The following ANKRD30A variants were observed in gnomAD, a reference collection of about 807,000 sequenced individuals.
The protein encoded by ANKRD30A is ankyrin repeat domain-containing protein 30A.
ANKRD30A carries 170 observed loss-of-function variants against 166.3 expected under a neutral mutation model. The observed-to-expected ratio is 1.02, with a 90% CI of 0.90 to 1.16. ANKRD30A has a LOEUF of 1.16. Among genes scored for constraint, ANKRD30A ranks in the 50% most tolerant of loss-of-function variants. ANKRD30A has a pLI of 0.00. For missense variants in ANKRD30A, 1,630 were observed against 1,518.0 expected, an observed-to-expected ratio of 1.07 and a Z score of -1.23; for synonymous variants, 564 against 508.9, an observed-to-expected ratio of 1.11 and a Z score of -1.46.
chr10:37,158,694 G>A, intron 15 of ANKRD30A, 108 bp downstream of exon 15: 1 of 1,442,300 alleles, frequency 6.9e-7, no homozygotes, highest in African/African-American at 1.4e-5. Flanking sequence ...AATTTGATGG[G>A]ATATTTTGAT....
At chr10:37,152,863 G>A (rs1260149807) in intron 12 of ANKRD30A, among the ~76,000 whole-genome samples, 1 of 152,100 alleles carries the variant, frequency 6.6e-6, no homozygotes, top group Non-Finnish European at 1.5e-5. Flanking sequence ...GGTGGTAACA[G>A]CAAAAGGTGG....
chr10:37,142,228 A>G lies in ANKRD30A; in HGVS notation c.1331A>G (p.Lys444Arg). ...TCTAATAAAACTAAAGTTTTGGAAA[A>G]AGGAAGATCTAAGATGATTGCATGT... Reference protein sequence around the residue: ...VTSNKTKVLEKGRSKMIACPT... With the variant: ...VTSNKTKVLERGRSKMIACPT... The change falls in exon 7 of 36, where the codon AAA becomes AGA. Residue 444 changes from lysine (K) to arginine (R), a missense_variant. Physicochemically the swap from Lys to Arg is conservative, Grantham distance 26. Transcript: ENST00000361713. 2 of 1,608,272 alleles carry G rather than the reference A, an allele frequency of 1.2e-6. No homozygotes were observed. The highest frequency in any genetic ancestry group is 1.7e-6 in the Non-Finnish European group (2 of 1,178,694).
rs192377029 is a variant in ANKRD30A at position 37,167,572 on chromosome 10, C to G, written c.2155+877C>G. On this transcript the variant is annotated intron_variant, in intron 19 of 35. Coordinates refer to ENST00000361713, the MANE Select transcript of ANKRD30A (RefSeq NM_052997.3). ...GAAAATGTTATTAATATTTAAAAATCTGATGCAACTAAATTTAAATGAAAT... is the reference window on the plus strand; with the variant it reads ...GAAAATGTTATTAATATTTAAAAATGTGATGCAACTAAATTTAAATGAAAT... Among the ~76,000 whole-genome samples, 3 of 151,750 alleles carry G rather than the reference C, an allele frequency of 2.0e-5. No homozygotes were observed. In the East Asian group the frequency reaches 5.8e-4, roughly 29 times the overall value.
the ANKRD30A span, among the ~76,000 whole-genome samples, chr10:37,257,851 G>A: frequency 9.5e-3 from 1,451 of 152,182 alleles, 35 homozygotes; most frequent in East Asian, 0.096. Flanking sequence ...CATTCTCAGC[G>A]GACTAACACA....
chr10:37,152,012 T>A, intron 11 of ANKRD30A, 48 bp from the exon 12 acceptor site: 1 of 1,489,634 alleles, frequency 6.7e-7, no homozygotes, highest in Non-Finnish European at 9.2e-7. Flanking sequence ...TTAAAATTTA[T>A]AGTAGAGAAA....
At chr10:37,215,909 A>G (rs1005270322) in intron 31 of ANKRD30A, among the ~76,000 whole-genome samples, 39 of 151,420 alleles carry the variant, frequency 2.6e-4, no homozygotes, top group African/African-American at 8.4e-4. Context: ...GGCCTAGTAT[A>G]TATCTTATTC....
chr10:37,207,883 A>G (rs1044785002), intron 31 of ANKRD30A, among the ~76,000 whole-genome samples: 1 of 152,110 alleles, frequency 6.6e-6, no homozygotes, highest in Admixed American at 6.6e-5. Flanking sequence ...TTGATGAATA[A>G]TTTATCCTGG....
chr10:37,215,674 TA>T (rs935305855), intron 31 of ANKRD30A, among the ~76,000 whole-genome samples: 1 of 151,632 alleles, frequency 6.6e-6, no homozygotes, highest in Non-Finnish European at 1.5e-5. Context: ...GTCCACTGTC[TA>T]AAAAAATTGT....
chr10:37,232,144 TTAAAG>T (rs931869322), intron 35 of ANKRD30A, among the ~76,000 whole-genome samples: 1 of 152,180 alleles, frequency 6.6e-6, no homozygotes, highest in East Asian at 1.9e-4. Flanking sequence ...TGTTCATTAT[TTAAAG>T]TAATCTAAAA....
At chr10:37,198,673 A>G (rs1298694747) in intron 29 of ANKRD30A, among the ~76,000 whole-genome samples, 1 of 152,098 alleles carries the variant, frequency 6.6e-6, no homozygotes, top group Non-Finnish European at 1.5e-5. Context: ...GTGGCTTACC[A>G]AAGTATGATT....
the ANKRD30A span, among the ~76,000 whole-genome samples, chr10:37,253,000 G>C: frequency 6.6e-6 from 1 of 152,120 alleles, no homozygotes; most frequent in African/African-American, 2.4e-5. Context: ...TTATTAGAAG[G>C]AAACTCAAAA....
chr10:37,155,282 G>A (rs1838279177), intron 13 of ANKRD30A, among the ~76,000 whole-genome samples: 1 of 152,148 alleles, frequency 6.6e-6, no homozygotes, highest in African/African-American at 2.4e-5. Flanking sequence ...TCCTCCATGA[G>A]TGGATCAAGA....
At chr10:37,147,145 A>T (rs1478233408) in intron 8 of ANKRD30A, among the ~76,000 whole-genome samples, 2 of 152,250 alleles carry the variant, frequency 1.3e-5, no homozygotes. Flanking sequence ...TTTATTTTTC[A>T]TGCTCAGTAA....
rs750356667 is a variant in ANKRD30A, at chr10:37,216,380, G to C, written c.3069G>C (p.Glu1023Asp). 1.2e-6 allele frequency: 2 copies of C among 1,603,154 alleles called. No homozygotes were observed. Among genetic ancestry groups the C allele is most frequent in the South Asian group, 2.2e-5 (2 of 89,866 alleles). Residue 1023 changes from glutamate (E) to aspartate (D), a missense_variant, in exon 32 of 36, where the codon GAG (glutamate) becomes GAC (aspartate). Transcript: ENST00000361713. ...ACCAAAAAGTTAAATGGGAACAAGA[G>C]CTCTGCAGTGTGAGGTGTGATTTCC... ...LENQKVKWEQ[E>D]LCSVRLTLNQ... is the part of the protein sequence containing the mutation.
chr10:37,233,173 C>A (rs1843530630), downstream of ANKRD30A, among the ~76,000 whole-genome samples: 1 of 152,004 alleles, frequency 6.6e-6, no homozygotes, highest in Non-Finnish European at 1.5e-5. Flanking sequence ...GCATTGCTGC[C>A]AAATGGGAAC....
Position 37,162,758 on chromosome 10 carries a change from G to A in ANKRD30A, c.1930-18G>A. 6.2e-7 allele frequency: 1 copy of A among 1,613,490 alleles called. No individual in the cohort carries two copies. The highest frequency in any genetic ancestry group is 8.5e-7 in the Non-Finnish European group (1 of 1,179,716). Reference sequence around the variant, plus strand: ...GTATACATTCTTTATTAATCATTTTGCTTCCAACCCCATTTAGCCTGCCAC... The same window carrying A: ...GTATACATTCTTTATTAATCATTTTACTTCCAACCCCATTTAGCCTGCCAC... On this transcript the variant is annotated intron_variant, in intron 16 of 35. Coordinates refer to ENST00000361713, the MANE Select transcript of ANKRD30A (RefSeq NM_052997.3).
At chr10:37,191,088 A>G (rs1840528200) in intron 25 of ANKRD30A, among the ~76,000 whole-genome samples, 1 of 151,888 alleles carries the variant, frequency 6.6e-6, no homozygotes, top group Admixed American at 6.6e-5. Context: ...AGAAAATGTT[A>G]TTAATATTTA....
rs772071063 is a variant in ANKRD30A, at chr10:37,158,568, A to G, written c.1882A>G (p.Met628Val). 15 of 1,613,220 alleles carry G rather than the reference A, an allele frequency of 9.3e-6. No homozygotes were observed. Among genetic ancestry groups the G allele is most frequent in the East Asian group, 8.9e-5 (4 of 44,806 alleles). ...AACTAAAGCCTTAGAATTGAAGGAC[A>G]TGCAAACTTTCAAAGCAGGTAAATT... ...IPTKALELKD[M>V]QTFKAEPPGK... The change falls in exon 15 of 36, where the codon ATG (methionine) becomes GTG (valine). Residue 628 changes from methionine to valine, a missense_variant. By Grantham distance (21) the Met-to-Val change is conservative. Transcript: ENST00000361713.
At chr10:37,138,897 A>T (rs1836907077) in intron 6 of ANKRD30A, among the ~76,000 whole-genome samples, 1 of 152,184 alleles carries the variant, frequency 6.6e-6, no homozygotes, top group Non-Finnish European at 1.5e-5. Flanking sequence ...ATACTCCTTG[A>T]GAAGAGCAAC....
Sources: gnomAD v4.1 joint callset for allele counts (sites outside exome capture counted in the v4.1 genomes callset) on GRCh38, gnomAD v4.1.1 for gene constraint, MANE v1.5 for transcripts, NCBI Gene and HGNC (gene_info 2026-07-23, HGNC 2026-07-21) for gene names.